The following RUSC2 variants were observed in gnomAD, a reference collection of about 807,000 sequenced individuals.
The protein encoded by RUSC2 is RUN and SH3 domain containing 2.
In RUSC2, 34 loss-of-function variants were observed where a neutral mutation model predicts 122.2. The observed-to-expected ratio is 0.28, with a 90% CI of 0.21 to 0.37. The LOEUF is 0.37. Among genes scored for constraint, RUSC2 ranks in the 10% least tolerant of loss-of-function variants. The pLI, the probability that RUSC2 is intolerant of heterozygous loss-of-function variation, is 1.00. For missense variants in RUSC2, 1,747 were observed against 1,952.4 expected (o/e 0.89, Z 1.98); for synonymous variants, 784 against 790.0 (o/e 0.99, Z 0.13).
In RUSC2 at chr9:35,555,834, T is replaced by A; in HGVS notation, c.2657-118T>A. On this transcript the variant is annotated intron_variant, in intron 3 of 11. Coordinates refer to ENST00000361226, the MANE Select transcript of RUSC2 (RefSeq NM_014806.5). This position sits in a 1 kb window ranked among gnomAD's most constrained non-coding sequence, Gnocchi z 4.6. The stretch of plus-strand genomic sequence containing the variant: ...ATGTCTGCATCCCTCCCTCAGCATC[T>A]GTAGATAATATCCACAGATAATCTA... The A allele has an allele frequency of 2.0e-6, 3 of 1,464,196 alleles. No homozygotes were observed. In the East Asian group the frequency reaches 6.8e-5, roughly 33 times the overall value. The allele number at this position is 1,464,196 out of a possible 1,614,324, so 90.7% of individuals were successfully genotyped here. A position where few individuals can be genotyped will look rare whatever the true frequency, so the allele number is the denominator to read the frequency against.
chr9:35,554,660 G>T (rs1821969699), intron 2 of RUSC2, among the ~76,000 whole-genome samples: 1 of 152,200 alleles, frequency 6.6e-6, no homozygotes, highest in Non-Finnish European at 1.5e-5. Context: ...AGTGAAAGCA[G>T]AACTATAAAG....
At position 35,557,698 on chromosome 9, in the gene RUSC2, G is replaced by A. The variant is rs1375476398; in HGVS notation, c.2984-216G>A. Among the ~76,000 whole-genome samples the A allele has an allele frequency of 6.6e-6, 1 of 152,204 alleles. No individual in the cohort carries two copies. Among genetic ancestry groups the A allele is most frequent in the Non-Finnish European group, 1.5e-5 (1 of 68,044 alleles). ...AGAGGCTTGACAGTGGCATCACTGA[G>A]GTAGCTCCAGGCTGGGAAGTAAAGA... On this transcript the variant is annotated intron_variant, in intron 5 of 11. Transcript: ENST00000361226. The surrounding 1 kb of genome is among the most constrained non-coding windows in gnomAD (Gnocchi z 4.6).
At chr9:35,535,445 T>TTA (rs1386294734) in intron 1 of RUSC2, among the ~76,000 whole-genome samples, 2 of 150,746 alleles carry the variant, frequency 1.3e-5, no homozygotes, top group East Asian at 3.9e-4. Flanking sequence ...AGATTTTTTT[T>TTA]TTTTTCACAT....
At chr9:35,535,534 CTTTTT>C (rs1174623935) in intron 1 of RUSC2, among the ~76,000 whole-genome samples, 2 of 130,120 alleles carry the variant, frequency 1.5e-5, no homozygotes. Context: ...AGGAGCTTCT[CTTTTT>C]TTTTTTTTTT....
In RUSC2 at chr9:35,546,133, G is replaced by A. The variant is rs117612819; in HGVS notation, c.-92-297G>A. ...TGCCAAGGAGAGGGTCCTTGAAAGAGAAAGGGAAAGTACTGCCCAAACCTT... is the reference window on the plus strand; with the variant it reads ...TGCCAAGGAGAGGGTCCTTGAAAGAAAAAGGGAAAGTACTGCCCAAACCTT... On this transcript the variant is annotated intron_variant, in intron 1 of 11. Transcript: ENST00000361226. This position sits in a 1 kb window ranked among gnomAD's most constrained non-coding sequence, Gnocchi z 4.3. 1.6e-4 allele frequency among the ~76,000 whole-genome samples: 24 copies of A among 152,296 alleles called. No individual in the cohort carries two copies. The East Asian group carries it at 4.0e-3, about 26-fold the overall frequency.
chr9:35,547,019 T>C lies in RUSC2; in HGVS notation c.498T>C (p.Ala166=). ...GRPWGTTRSR[A]GVVEGQEQEP... is the part of the protein sequence containing the mutation. ...CATGGGGGACAACACGCAGTCGGGCTGGAGTGGTGGAAGGGCAGGAACAGG... is the reference window on the plus strand; with the variant it reads ...CATGGGGGACAACACGCAGTCGGGCCGGAGTGGTGGAAGGGCAGGAACAGG... The change falls in exon 2 of 12, where the codon GCT becomes GCC. Residue 166 remains alanine (A), a synonymous_variant. Coordinates refer to ENST00000361226, the MANE Select transcript of RUSC2 (RefSeq NM_014806.5). This position sits in a 1 kb window ranked among gnomAD's most constrained non-coding sequence, Gnocchi z 4.6. The C allele has an allele frequency of 2.5e-6, 4 of 1,607,748 alleles. No individual in the cohort carries two copies. The highest frequency in any genetic ancestry group is 1.1e-5 in the South Asian group (1 of 90,074).
chr9:35,526,374 T>C (rs1821325492), intron 1 of RUSC2, among the ~76,000 whole-genome samples: 1 of 152,196 alleles, frequency 6.6e-6, no homozygotes, highest in Non-Finnish European at 1.5e-5. Context: ...TAATCTCCTT[T>C]GTGGGGGTTT....
chr9:35,498,245 A>G (rs1382823437), intron 1 of RUSC2, among the ~76,000 whole-genome samples: 1 of 152,094 alleles, frequency 6.6e-6, no homozygotes, highest in Non-Finnish European at 1.5e-5. Flanking sequence ...TTAAATAGAA[A>G]TGGCAAAAGA....
intron 2 of RUSC2, among the ~76,000 whole-genome samples, chr9:35,553,827 T>C (rs10738943): frequency 0.63 from 96,055 of 151,996 alleles, 31,569 homozygotes; most frequent in Non-Finnish European, 0.73. Context: ...CTAATGGGAT[T>C]GTGGTCCCCA....
intron 1 of RUSC2, among the ~76,000 whole-genome samples, chr9:35,505,046 T>A (rs149737027): frequency 2.6e-5 from 4 of 152,214 alleles, no homozygotes; most frequent in Admixed American, 6.5e-5. Flanking sequence ...TGTTATGAAG[T>A]TAGATCTTAT....
At chr9:35,495,006 T>C (rs1262696093) in intron 1 of RUSC2, among the ~76,000 whole-genome samples, 1 of 102,546 alleles carries the variant, frequency 9.8e-6, no homozygotes, top group Non-Finnish European at 1.9e-5. Context: ...ATATTATATA[T>C]ACTACAGTAT....
chr9:35,492,763 A>G (rs1158695569), intron 1 of RUSC2, among the ~76,000 whole-genome samples: 2 of 152,120 alleles, frequency 1.3e-5, no homozygotes, highest in Admixed American at 6.6e-5. Context: ...ACCATTACTG[A>G]TAACAATCTC....
intron 9 of RUSC2, 36 bp from the exon 10 acceptor site, chr9:35,559,991 TTC>T: frequency 6.6e-7 from 1 of 1,517,944 alleles, no homozygotes; most frequent in Non-Finnish European, 8.9e-7. Flanking sequence ...CAGGCTCTGG[TTC>T]TCTGTGTGGA....
chr9:35,512,434 G>A (rs1191670563), intron 1 of RUSC2, among the ~76,000 whole-genome samples: 1 of 152,016 alleles, frequency 6.6e-6, no homozygotes, highest in Non-Finnish European at 1.5e-5. Flanking sequence ...TTTCTTCTCT[G>A]AATTAAGGTA....
At chr9:35,541,643 C>T (rs1047497801) in intron 1 of RUSC2, among the ~76,000 whole-genome samples, 1 of 151,922 alleles carries the variant, frequency 6.6e-6, no homozygotes. Flanking sequence ...GACAGGGTTT[C>T]ACCATGTTGG....
chr9:35,521,636 T>C (rs1821217148), intron 1 of RUSC2, among the ~76,000 whole-genome samples: 1 of 152,222 alleles, frequency 6.6e-6, no homozygotes, highest in African/African-American at 2.4e-5. Flanking sequence ...GGGTGGACGT[T>C]TAGCTGAACT....
intron 1 of RUSC2, among the ~76,000 whole-genome samples, chr9:35,497,120 A>G (rs1002125256): frequency 6.6e-6 from 1 of 152,168 alleles, no homozygotes; most frequent in Non-Finnish European, 1.5e-5. Context: ...CCCCTTAGAG[A>G]GTGAGTACAA....
At position 35,561,466 on chromosome 9, in the gene RUSC2, GCTGCA is replaced by G; in HGVS notation, c.*85_*89del. ...GAGCCCTTCCCAAGCCATTGGCTTG[GCTGCA>G]GAGTAGACTGAGAGCTGGGGCCACG... is the stretch of plus-strand genomic sequence containing the variant. On this transcript the variant is annotated 3_prime_UTR_variant, in exon 12 of 12. Coordinates refer to ENST00000361226, the MANE Select transcript of RUSC2 (RefSeq NM_014806.5). The G allele has an allele frequency of 2.5e-6, 3 of 1,204,004 alleles. No homozygotes were observed. The highest frequency in any genetic ancestry group is 3.5e-6 in the Non-Finnish European group (3 of 850,228). 74.6% of individuals were successfully genotyped at this position (1,204,004 alleles called of 1,614,324 possible).
intron 1 of RUSC2, among the ~76,000 whole-genome samples, chr9:35,542,979 G>T (rs1821670967): frequency 6.6e-6 from 1 of 152,166 alleles, no homozygotes; most frequent in Non-Finnish European, 1.5e-5. Context: ...CTCATTGAAG[G>T]TCAGTGATGG....
Sources: allele counts gnomAD v4.1 joint callset (sites outside exome capture counted in the v4.1 genomes callset), GRCh38; gene constraint gnomAD v4.1.1; non-coding constraint Gnocchi (gnomAD v3.1); transcripts MANE v1.5; gene names NCBI Gene and HGNC (gene_info 2026-07-23, HGNC 2026-07-21).